The following ZNF217 variants were observed in gnomAD, a reference collection of about 807,000 sequenced individuals.
ZNF217 encodes the protein zinc finger protein 217.
In ZNF217, 12 loss-of-function variants were observed where a neutral mutation model predicts 73.3. The observed-to-expected ratio is 0.16, with a 90% CI of 0.10 to 0.27. The LOEUF (loss-of-function observed/expected upper bound fraction) is 0.27, where lower values mean the gene tolerates loss of function less well. Among genes scored for constraint, ZNF217 ranks in the 10% least tolerant of loss-of-function variants. ZNF217 has a pLI of 1.00. For synonymous variants in ZNF217, 588 were observed against 516.4 expected (o/e 1.14, Z -1.88); for missense variants, 1,195 against 1,327.8 (o/e 0.90, Z 1.55).
At chr20:53,589,154 A>C (rs1203889418) in intron 1 of ZNF217, among the ~76,000 whole-genome samples, 1 of 152,174 alleles carries the variant, frequency 6.6e-6, no homozygotes, top group East Asian at 1.9e-4. Context: ...CAGAAACACT[A>C]CACGAGTCTG....
intron 1 of ZNF217, among the ~76,000 whole-genome samples, chr20:53,591,773 C>CA (rs1317454706): frequency 2.0e-5 from 3 of 152,178 alleles, no homozygotes; most frequent in African/African-American, 7.2e-5. Context: ...CTGCACTTGT[C>CA]ACTGCAGACA....
chr20:53,594,545 C>T (rs1035203418), upstream of ZNF217, among the ~76,000 whole-genome samples: 44 of 151,766 alleles, frequency 2.9e-4, no homozygotes, highest in African/African-American at 1.1e-3. Flanking sequence ...TGCCACCCTC[C>T]CCGCGCCCCC....
chr20:53,576,132 T>C lies in ZNF217; in HGVS notation c.2632A>G (p.Ile878Val). 1.2e-6 allele frequency: 2 copies of C among 1,614,236 alleles called. No individual in the cohort carries two copies. Among genetic ancestry groups the C allele is most frequent in the Non-Finnish European group, 1.7e-6 (2 of 1,180,040 alleles). Residue 878 changes from isoleucine to valine, a missense_variant, in exon 4 of 6, where the codon ATC becomes GTC. This residue lies in a region of ZNF217 where 649 missense variants were observed against 642.8 expected (regional missense o/e 1.01). Transcript: ENST00000371471. ...PSQPTLGSSN[I>V]NGSIDYPAKN... ...GCGGGGTAGTCGATGGAACCATTGA[T>C]GTTACTGCTGCCGAGGGTGGGCTGA...
At chr20:53,597,083 C>CAAAAAAAAAAAAAAAAAAA (rs11483077), upstream of ZNF217, among the ~76,000 whole-genome samples, 1 of 120,792 alleles carries the variant, frequency 8.3e-6, no homozygotes. Flanking sequence ...AGTAACATAA[C>CAAAAAAAAAAAAAAAAAAA]AAAAAAAAAA....
intron 1 of ZNF217, among the ~76,000 whole-genome samples, chr20:53,584,229 A>G (rs1011389428): frequency 5.3e-5 from 8 of 152,256 alleles, no homozygotes; most frequent in Non-Finnish European, 7.3e-5. Flanking sequence ...AACTTAAGTC[A>G]GTTAATTCCA....
At chr20:53,569,923 G>A (rs1290448780) in intron 5 of ZNF217, among the ~76,000 whole-genome samples, 1 of 152,142 alleles carries the variant, frequency 6.6e-6, no homozygotes, top group South Asian at 2.1e-4. Flanking sequence ...TCGTGCCACT[G>A]CACTCCAGAC....
intron 5 of ZNF217, among the ~76,000 whole-genome samples, chr20:53,569,972 C>T (rs114954972): frequency 0.027 from 4,057 of 151,930 alleles, 190 homozygotes; most frequent in African/African-American, 0.093. Flanking sequence ...TGAGCTGGTC[C>T]AGAGGATGAG....
At chr20:53,590,140 T>C (rs1293120773) in intron 1 of ZNF217, among the ~76,000 whole-genome samples, 3 of 152,236 alleles carry the variant, frequency 2.0e-5, no homozygotes, top group African/African-American at 7.2e-5. Context: ...AGTAACTGGA[T>C]TTAAAATCTT....
chr20:53,575,832 C>T lies in ZNF217; in HGVS notation c.2932G>A (p.Val978Ile). 1 of 1,614,220 alleles carries T rather than the reference C, an allele frequency of 6.2e-7. No individual in the cohort carries two copies. Among genetic ancestry groups the T allele is most frequent in the South Asian group, 1.1e-5 (1 of 91,080 alleles). The change falls in exon 4 of 6, where the codon GTC becomes ATC. Residue 978 changes from valine (V) to isoleucine (I), a missense_variant. By Grantham distance (29) the Val-to-Ile change is conservative. Coordinates refer to ENST00000371471, the MANE Select transcript of ZNF217 (RefSeq NM_006526.3). ...ACAGTCAGCACATTTGGAGAATCGA[C>T]CTCGCTGGAGCTCAGGAACCTTGGT... ...PKPRFLSSSEVDSPNVLTVQK... is the reference protein window; with the variant it reads ...PKPRFLSSSEIDSPNVLTVQK...
intron 1 of ZNF217, among the ~76,000 whole-genome samples, chr20:53,588,352 T>C (rs188565550): frequency 5.3e-5 from 8 of 151,870 alleles, no homozygotes; most frequent in Admixed American, 3.9e-4. Flanking sequence ...AAAAAAGTTA[T>C]AATATAAGGA....
intron 1 of ZNF217, among the ~76,000 whole-genome samples, chr20:53,583,379 CATCCAGTTAAA>C (rs1988581019): frequency 6.6e-6 from 1 of 152,300 alleles, no homozygotes; most frequent in East Asian, 1.9e-4. Flanking sequence ...ATCAGAATTT[CATCCAGTTAAA>C]ATCCAGTTTA....
At chr20:53,586,729 A>C (rs1988707685) in intron 1 of ZNF217, among the ~76,000 whole-genome samples, 1 of 152,230 alleles carries the variant, frequency 6.6e-6, no homozygotes, top group Non-Finnish European at 1.5e-5. Flanking sequence ...AATACAGCAA[A>C]ATAGAAATTC....
chr20:53,585,095 G>GAAAAAAAAAA (rs748460021), intron 1 of ZNF217, among the ~76,000 whole-genome samples: 5 of 46,952 alleles, frequency 1.1e-4, no homozygotes, highest in Non-Finnish European at 2.0e-4. Context: ...GTGAGAATTT[G>GAAAAAAAAAA]AAAAAAAAAA....
Position 53,582,265 on chromosome 20 carries a change from G to A in ZNF217, c.562C>T (p.Leu188=). The change falls in exon 2 of 6, where the codon CTG becomes TTG. Residue 188 remains leucine (L), a synonymous_variant. Transcript: ENST00000371471. This position sits in a 1 kb window ranked among gnomAD's most constrained non-coding sequence, Gnocchi z 4.8. ...HNGKSGARSK[L]QQGLESSPAT... ...GGACTACTCTCCAAGCCTTGCTGCA[G>A]TTTGCTTCTGGCCCCCGATTTGCCA... is the stretch of plus-strand genomic sequence containing the variant. 4.3e-6 allele frequency: 7 copies of A among 1,614,182 alleles called. No homozygotes were observed. Among genetic ancestry groups the A allele is most frequent in the Non-Finnish European group, 5.9e-6 (7 of 1,180,034 alleles).
At chr20:53,584,378 TCTC>T (rs1988615479) in intron 1 of ZNF217, among the ~76,000 whole-genome samples, 1 of 152,234 alleles carries the variant, frequency 6.6e-6, no homozygotes, top group African/African-American at 2.4e-5. Context: ...CAAGGAAACA[TCTC>T]CTCCTTTACA....
intron 2 of ZNF217, among the ~76,000 whole-genome samples, chr20:53,580,348 G>C (rs1416777841): frequency 1.3e-5 from 2 of 152,156 alleles, no homozygotes; most frequent in East Asian, 3.9e-4. Context: ...GAGAGGAGGA[G>C]GCACTTGTTT....
Position 53,567,826 on chromosome 20 carries a change from A to G in ZNF217, c.*1462T>C, listed in dbSNP as rs957570275. ...TATCAAGGAGGACATCTTACGTTGC[A>G]TAATTTAAAAAAAAAAAATTTTTTC... is the stretch of plus-strand genomic sequence containing the variant. On this transcript the variant is annotated 3_prime_UTR_variant, in exon 6 of 6. Transcript: ENST00000371471. The G allele has an allele frequency of 6.6e-6, 1 of 152,554 alleles. No individual in the cohort carries two copies. The highest frequency in any genetic ancestry group is 2.4e-5 in the African/African-American group (1 of 41,420). The allele number at this position is 152,554 out of a possible 1,614,324, so 9.5% of individuals were successfully genotyped here.
chr20:53,583,206 G>A, intron 1 of ZNF217, 38 bp from the exon 2 acceptor site: 3 of 405,766 alleles, frequency 7.4e-6, no homozygotes, highest in Non-Finnish European at 1.3e-5. Context: ...GCTACACTCA[G>A]AGCGAAGAGA....
At chr20:53,580,435 G>C (rs988005808) in intron 2 of ZNF217, among the ~76,000 whole-genome samples, 4 of 152,200 alleles carry the variant, frequency 2.6e-5, no homozygotes, top group African/African-American at 9.7e-5. Flanking sequence ...ATTACGGCCT[G>C]CCCATCAGGG....
Sources: allele counts gnomAD v4.1 joint callset (sites outside exome capture counted in the v4.1 genomes callset), GRCh38; gene constraint gnomAD v4.1.1; regional missense constraint gnomAD v4.1.1; non-coding constraint Gnocchi (gnomAD v3.1); transcripts MANE v1.5; gene names NCBI Gene and HGNC (gene_info 2026-07-23, HGNC 2026-07-21).